UCHL5: variants seen among roughly 807,000 people sequenced by gnomAD.
UCHL5 encodes the protein ubiquitin carboxyl-terminal hydrolase isozyme L5.
UCHL5 carries 34 observed loss-of-function variants against 53.8 expected under a neutral mutation model. That is an observed-to-expected ratio of 0.63 (90% confidence interval 0.48 to 0.84). The LOEUF is 0.84. Among genes scored for constraint, UCHL5 ranks in the 40% least tolerant of loss-of-function variants. The probability of loss-of-function intolerance (pLI) is 0.00; values close to 1 mark genes in which losing one functional copy is unlikely to be tolerated. For missense variants in UCHL5, 290 were observed against 385.6 expected, an observed-to-expected ratio of 0.75 and a Z score of 2.08; for synonymous variants, 111 against 126.3, an observed-to-expected ratio of 0.88 and a Z score of 0.81.
chr1:193,059,773 A>T, upstream of UCHL5: 1 of 1,356,288 alleles, frequency 7.4e-7, no homozygotes, highest in Non-Finnish European at 9.8e-7. The surrounding 1 kb of genome is among the most constrained non-coding windows in gnomAD (Gnocchi z 4.9). Flanking sequence ...GCTGCCAGGT[A>T]CAGGTGAGGA....
chr1:193,051,696 C>A, intron 2 of UCHL5, 58 bp downstream of exon 2: 2 of 1,053,666 alleles, frequency 1.9e-6, no homozygotes, highest in South Asian at 1.8e-5. Flanking sequence ...TCTGAATATC[C>A]TTTAAGTTTG....
chr1:193,038,466 A>C (rs1211918355), intron 3 of UCHL5, among the ~76,000 whole-genome samples: 3 of 151,892 alleles, frequency 2.0e-5, no homozygotes, highest in African/African-American at 7.3e-5. Flanking sequence ...AAAAAAAAAA[A>C]AAAAACCACA....
intron 3 of UCHL5, among the ~76,000 whole-genome samples, chr1:193,049,160 C>T (rs571763566): frequency 6.6e-6 from 1 of 152,278 alleles, no homozygotes; most frequent in East Asian, 1.9e-4. Flanking sequence ...CGCCTGTAAT[C>T]CCAGCACTTT....
intron 1 of UCHL5, among the ~76,000 whole-genome samples, chr1:193,055,682 C>T (rs1323548077): frequency 6.6e-6 from 1 of 152,166 alleles, no homozygotes; most frequent in East Asian, 1.9e-4. Context: ...TAATATGGTG[C>T]ATTACATTGA....
chr1:193,035,197 A>C (rs988064120), intron 3 of UCHL5, among the ~76,000 whole-genome samples: 5 of 152,092 alleles, frequency 3.3e-5, no homozygotes, highest in African/African-American at 1.2e-4. Context: ...GGCTAAATAT[A>C]ATATTAATAG....
chr1:193,020,387 G>T (rs1255334521), intron 10 of UCHL5: 1 of 1,547,600 alleles, frequency 6.5e-7, no homozygotes, highest in African/African-American at 1.4e-5. Context: ...TCAAACTGTG[G>T]TACACAGACC....
At chr1:193,059,446 G>A, upstream of UCHL5, 1 of 1,610,124 alleles carries the variant, frequency 6.2e-7, no homozygotes, top group Non-Finnish European at 8.5e-7. The surrounding 1 kb of genome is among the most constrained non-coding windows in gnomAD (Gnocchi z 4.9). Flanking sequence ...GGACGCTCTA[G>A]CCACCCTAGA....
At chr1:193,058,729 C>G (rs1472597584) in intron 1 of UCHL5, among the ~76,000 whole-genome samples, 1 of 152,236 alleles carries the variant, frequency 6.6e-6, no homozygotes, top group Non-Finnish European at 1.5e-5. Flanking sequence ...AGTTCCTGGG[C>G]GGCTTGAGCC....
intron 3 of UCHL5, among the ~76,000 whole-genome samples, chr1:193,033,952 T>C (rs1381187047): frequency 6.6e-6 from 1 of 152,202 alleles, no homozygotes; most frequent in Non-Finnish European, 1.5e-5. Flanking sequence ...AATGAGCATA[T>C]TGGTCATTTG....
chr1:193,033,880 G>T (rs1168237868), intron 3 of UCHL5, among the ~76,000 whole-genome samples: 2 of 152,118 alleles, frequency 1.3e-5, no homozygotes, highest in Non-Finnish European at 2.9e-5. Context: ...ACTTTAAAAA[G>T]TGAGAACAGT....
At chr1:193,029,927 A>G (rs1161768256) in intron 3 of UCHL5, among the ~76,000 whole-genome samples, 1 of 152,196 alleles carries the variant, frequency 6.6e-6, no homozygotes, top group African/African-American at 2.4e-5. Flanking sequence ...AAGATCAATC[A>G]TCCTGATGGA....
At chr1:193,027,296 A>G (rs1409026425) in intron 7 of UCHL5, among the ~76,000 whole-genome samples, 1 of 152,206 alleles carries the variant, frequency 6.6e-6, no homozygotes, top group East Asian at 1.9e-4. Flanking sequence ...ATTATCTGAA[A>G]TTGAATATAC....
chr1:193,027,996 T>C, intron 7 of UCHL5, 89 bp downstream of exon 7: 1 of 1,569,364 alleles, frequency 6.4e-7, no homozygotes, highest in South Asian at 1.2e-5. Context: ...AGATGTTCAA[T>C]GCACACTGCT....
At chr1:193,026,929 T>C (rs1335495241) in intron 7 of UCHL5, among the ~76,000 whole-genome samples, 1 of 152,198 alleles carries the variant, frequency 6.6e-6, no homozygotes, top group Non-Finnish European at 1.5e-5. Flanking sequence ...AAAAATGAAC[T>C]ACTGATACAC....
At chr1:193,058,487 G>A (rs543749191) in intron 1 of UCHL5, among the ~76,000 whole-genome samples, 75 of 152,364 alleles carry the variant, frequency 4.9e-4, no homozygotes, top group Middle Eastern at 3.4e-3. Flanking sequence ...AAAATGTGTT[G>A]ATTATTTAGG....
At chr1:193,032,696 C>A (rs1350347393) in intron 3 of UCHL5, among the ~76,000 whole-genome samples, 2 of 152,022 alleles carry the variant, frequency 1.3e-5, no homozygotes, top group African/African-American at 4.8e-5. Context: ...AATAAACAAC[C>A]CCATCAGAAA....
chr1:193,020,055 A>C (rs931177551), intron 10 of UCHL5: 3 of 984,870 alleles, frequency 3.0e-6, no homozygotes, highest in East Asian at 2.3e-4. Flanking sequence ...ACAGTTTCCC[A>C]TCTTAGAATA....
chr1:193,047,072 G>C (rs1407565002), intron 3 of UCHL5, among the ~76,000 whole-genome samples: 2 of 151,820 alleles, frequency 1.3e-5, no homozygotes. Flanking sequence ...CAACCTCATG[G>C]GCTTGTTGCA....
chr1:193,050,620 C>T (rs1447673921), intron 2 of UCHL5, among the ~76,000 whole-genome samples: 1 of 152,070 alleles, frequency 6.6e-6, no homozygotes, highest in African/African-American at 2.4e-5. Flanking sequence ...GTGAAGCGTG[C>T]CTGTAATCCC....
Sources: allele counts gnomAD v4.1 joint callset (sites outside exome capture counted in the v4.1 genomes callset), GRCh38; gene constraint gnomAD v4.1.1; non-coding constraint Gnocchi (gnomAD v3.1); transcripts MANE v1.5; gene names NCBI Gene and HGNC (gene_info 2026-07-23, HGNC 2026-07-21).